MBD5: variants seen among roughly 807,000 people sequenced by gnomAD.
MBD5 encodes the protein methyl-CpG binding domain protein 5.
MBD5 carries 13 observed loss-of-function variants against 117.3 expected under a neutral mutation model. The ratio of observed to expected loss-of-function variants is 0.11; its 90% CI spans 0.07 to 0.18. The LOEUF is 0.18. MBD5 is among the 10% of genes least tolerant of loss of function. The pLI is 1.00. For synonymous variants in MBD5, 727 were observed against 766.4 expected (o/e 0.95, Z 0.85); for missense variants, 1,879 against 2,093.8 (o/e 0.90, Z 2.00).
chr2:148,198,092 G>A (rs370243503), intron 2 of MBD5, among the ~76,000 whole-genome samples: 2 of 152,184 alleles, frequency 1.3e-5, no homozygotes. Context: ...AATTCTTAAT[G>A]ACTGGCTACA....
At chr2:148,187,870 T>G (rs1181808271) in intron 2 of MBD5, among the ~76,000 whole-genome samples, 1 of 152,134 alleles carries the variant, frequency 6.6e-6, no homozygotes, top group African/African-American at 2.4e-5. Flanking sequence ...GTAAATAGAT[T>G]GGTAAACATA....
intron 3 of MBD5, among the ~76,000 whole-genome samples, chr2:148,235,084 C>T (rs1455920947): frequency 6.6e-6 from 1 of 152,056 alleles, no homozygotes; most frequent in Non-Finnish European, 1.5e-5. Context: ...ATAACTCACA[C>T]CTATGCTCCT....
intron 1 of MBD5, among the ~76,000 whole-genome samples, chr2:148,158,288 T>C (rs1299105690): frequency 6.6e-6 from 1 of 152,186 alleles, no homozygotes; most frequent in Non-Finnish European, 1.5e-5. Flanking sequence ...TATAAAAGTA[T>C]GCAATTAGAC....
chr2:148,213,401 G>T (rs1364957815), intron 2 of MBD5, among the ~76,000 whole-genome samples: 4 of 152,058 alleles, frequency 2.6e-5, no homozygotes, highest in Non-Finnish European at 5.9e-5. Flanking sequence ...TTTAGTAAAT[G>T]ATCTGCTTTT....
chr2:148,256,536 A>G (rs1455242184), intron 3 of MBD5, among the ~76,000 whole-genome samples: 4 of 152,206 alleles, frequency 2.6e-5, no homozygotes, highest in Non-Finnish European at 4.4e-5. Flanking sequence ...GCCTTGGTAG[A>G]CCACCCAGCT....
chr2:148,408,134 AAAG>A (rs1705138256), intron 4 of MBD5, among the ~76,000 whole-genome samples: 2 of 152,228 alleles, frequency 1.3e-5, no homozygotes, highest in Non-Finnish European at 2.9e-5. Context: ...AAGCTGCAAT[AAAG>A]AAGAAAATCT....
chr2:148,464,673 T>G (rs1312659524), intron 7 of MBD5, among the ~76,000 whole-genome samples: 1 of 151,822 alleles, frequency 6.6e-6, no homozygotes, highest in African/African-American at 2.4e-5. Flanking sequence ...AGAAATTCAG[T>G]CTTGACCAGG....
At chr2:148,318,293 T>C (rs1332245818) in intron 3 of MBD5, among the ~76,000 whole-genome samples, 1 of 151,842 alleles carries the variant, frequency 6.6e-6, no homozygotes, top group Non-Finnish European at 1.5e-5. Flanking sequence ...GCCTACTTCT[T>C]AATGTTTTTT....
In MBD5 at chr2:148,129,373, T is replaced by C. The variant is rs140671979; in HGVS notation, c.-924-49327T>C. On this transcript the variant is annotated intron_variant, in intron 1 of 13. Transcript: ENST00000642680. ...AGCCAGGCGTGGCGATGTGTGCCTG[T>C]AATCTCAACTACTCGGGAGGCTGAG... Among the ~76,000 whole-genome samples the C allele has an allele frequency of 9.7e-3, 1,478 of 152,166 alleles. 21 individuals are homozygous for C. The highest frequency in any genetic ancestry group is 0.034 in the African/African-American group (1,414 of 41,480).
chr2:148,439,563 T>A (rs948959720), intron 4 of MBD5, among the ~76,000 whole-genome samples: 3 of 152,162 alleles, frequency 2.0e-5, no homozygotes, highest in African/African-American at 7.2e-5. Context: ...ACCATTTTAA[T>A]TGCAGAAATC....
intron 3 of MBD5, among the ~76,000 whole-genome samples, chr2:148,326,387 T>C (rs1702452663): frequency 6.6e-6 from 1 of 152,172 alleles, no homozygotes; most frequent in African/African-American, 2.4e-5. Flanking sequence ...TTCCTGGGTA[T>C]CCTTGTTGAC....
chr2:148,418,336 C>G (rs1377864708), intron 4 of MBD5, among the ~76,000 whole-genome samples: 3 of 151,908 alleles, frequency 2.0e-5, no homozygotes, highest in Non-Finnish European at 4.4e-5. Context: ...GTTGCATTTG[C>G]TTTTGGGGTT....
At position 148,371,944 on chromosome 2, in the gene MBD5, A is replaced by G. The variant is rs561056793; in HGVS notation, c.-557+29608A>G. ...CTTATATTCATTTAGCTTATATCAT[A>G]TACATATGTACCAAATACTGTGGTT... is the stretch of plus-strand genomic sequence containing the variant. On this transcript the variant is annotated intron_variant, in intron 4 of 13. Coordinates refer to ENST00000642680, the MANE Select transcript of MBD5 (RefSeq NM_001378120.1). 1.2e-4 allele frequency among the ~76,000 whole-genome samples: 19 copies of G among 152,284 alleles called. 1 individual carries two copies. The highest frequency in any genetic ancestry group is 4.3e-4 in the African/African-American group (18 of 41,594).
chr2:148,100,886 C>G (rs1696193441), intron 1 of MBD5, among the ~76,000 whole-genome samples: 2 of 151,612 alleles, frequency 1.3e-5, no homozygotes, highest in South Asian at 4.2e-4. Context: ...GTGTCAGTCA[C>G]ATTGTTAGAA....
chr2:148,444,923 C>A (rs1410316897), intron 4 of MBD5, among the ~76,000 whole-genome samples: 2 of 150,886 alleles, frequency 1.3e-5, no homozygotes, highest in African/African-American at 5.0e-5. Context: ...ATACTTGCAC[C>A]ATTAATAATA....
chr2:148,260,431 CA>C (rs1700705771), intron 3 of MBD5: 1 of 152,474 alleles, frequency 6.6e-6, no homozygotes, highest in South Asian at 2.1e-4. Flanking sequence ...GCTCGTTCCA[CA>C]ACATCTGTGA....
rs1706945408 is a variant in MBD5, at chr2:148,458,227, C to T, written c.-532C>T. 2.5e-6 allele frequency: 1 copy of T among 402,722 alleles called. No homozygotes were observed. The highest frequency in any genetic ancestry group is 4.2e-5 in the Admixed American group (1 of 23,806). 24.9% of individuals were successfully genotyped at this position (402,722 alleles called of 1,614,324 possible). On this transcript the variant is annotated 5_prime_UTR_variant, in exon 5 of 14. Transcript: ENST00000642680. ...GGCTACATTATTGGAATTTTGAAGT[C>T]ATGAAAACATCAGATGAACCAACCT...
intron 1 of MBD5, among the ~76,000 whole-genome samples, chr2:148,106,131 A>G (rs1028494792): frequency 2.6e-5 from 4 of 151,990 alleles, no homozygotes; most frequent in African/African-American, 9.6e-5. Context: ...GCAGTTTTAT[A>G]TATATGTCCT....
At chr2:148,510,850 G>A (rs1682193919) in intron 13 of MBD5, among the ~76,000 whole-genome samples, 1 of 152,184 alleles carries the variant, frequency 6.6e-6, no homozygotes, top group Non-Finnish European at 1.5e-5. Flanking sequence ...TTGAAGCCCT[G>A]AGACATTAAA....
Sources: gnomAD v4.1 joint callset for allele counts (sites outside exome capture counted in the v4.1 genomes callset) on GRCh38, gnomAD v4.1.1 for gene constraint, MANE v1.5 for transcripts, NCBI Gene and HGNC (gene_info 2026-07-23, HGNC 2026-07-21) for gene names.